IL1RAPL1: variants seen among roughly 807,000 people sequenced by gnomAD.
The protein encoded by IL1RAPL1 is interleukin-1 receptor accessory protein-like 1.
Under a neutral mutation model 48.4 loss-of-function variants are expected in IL1RAPL1, and 3 were observed. That is an observed-to-expected ratio of 0.06 (90% CI 0.03 to 0.16). IL1RAPL1 has a LOEUF of 0.16. Among genes scored for constraint, IL1RAPL1 ranks in the 10% least tolerant of loss-of-function variants. IL1RAPL1 has a pLI of 1.00. For synonymous variants in IL1RAPL1, 185 were observed against 187.7 expected, an observed-to-expected ratio of 0.99 and a Z score of 0.12; for missense variants, 349 against 530.6, an observed-to-expected ratio of 0.66 and a Z score of 3.36.
intron 3 of IL1RAPL1, among the ~76,000 whole-genome samples, chrX:29,350,217 A>G (rs1436551993): frequency 1.3e-5 from 1 of 78,695 alleles, no homozygotes; most frequent in East Asian, 4.1e-4. Flanking sequence ...ATATATATAT[A>G]TATATATGCT....
At chrX:29,443,852 T>C (rs1934579036) in intron 5 of IL1RAPL1, among the ~76,000 whole-genome samples, 1 of 111,302 alleles carries the variant, frequency 9.0e-6, no homozygotes, top group Non-Finnish European at 1.9e-5. Flanking sequence ...CTAGGCTCAT[T>C]CTTATGTTGA....
chrX:28,683,711 G>A (rs1192292204), intron 1 of IL1RAPL1, among the ~76,000 whole-genome samples: 2 of 112,398 alleles, frequency 1.8e-5, no homozygotes, highest in East Asian at 5.6e-4. Context: ...CAAGGTATTG[G>A]TAGGGTTGCA....
intron 2 of IL1RAPL1, among the ~76,000 whole-genome samples, chrX:29,278,087 T>C (rs771060060): frequency 6.4e-4 from 72 of 112,039 alleles, no homozygotes; most frequent in Non-Finnish European, 3.2e-4. Context: ...TTTATCCTTC[T>C]ATAAATATAG....
At chrX:29,541,878 C>T (rs1159314145) in intron 5 of IL1RAPL1, among the ~76,000 whole-genome samples, 1 of 110,560 alleles carries the variant, frequency 9.0e-6, no homozygotes, top group East Asian at 2.8e-4. Context: ...GAGCCTCACG[C>T]AATATACCCA....
At chrX:29,378,485 T>A (rs903409331) in intron 3 of IL1RAPL1, among the ~76,000 whole-genome samples, 5 of 112,550 alleles carry the variant, frequency 4.4e-5, no homozygotes, top group African/African-American at 1.6e-4. Flanking sequence ...TGATTCTTTC[T>A]CCTCTGGGAG....
At chrX:28,898,851 G>A in intron 2 of IL1RAPL1, among the ~76,000 whole-genome samples, 1 of 108,550 alleles carries the variant, frequency 9.2e-6, no homozygotes, top group Non-Finnish European at 1.9e-5. Flanking sequence ...GTGCAGTGTT[G>A]TGATCATGGC....
At position 28,713,422 on chromosome X, in the gene IL1RAPL1, G is replaced by A. The variant is rs955061419; in HGVS notation, c.-24-75898G>A. On this transcript the variant is annotated intron_variant, in intron 1 of 10. Transcript: ENST00000378993. The stretch of plus-strand genomic sequence containing the variant: ...AGAGATTTTACCTAATTAAGGAAAA[G>A]CATGTTGGCTTCAGAAATAATTTTT... Among the ~76,000 whole-genome samples, 4 of 111,394 alleles carry A rather than the reference G, an allele frequency of 3.6e-5. No homozygotes were observed. In the Admixed American group the frequency reaches 3.9e-4, roughly 11 times the overall value.
chrX:28,748,361 T>G (rs1936002532), intron 1 of IL1RAPL1, among the ~76,000 whole-genome samples: 1 of 111,789 alleles, frequency 8.9e-6, no homozygotes, highest in East Asian at 2.8e-4. Context: ...CTTTCTTGCA[T>G]TTGGGTTTGC....
At chrX:29,804,581 G>A (rs1930207131) in intron 6 of IL1RAPL1, among the ~76,000 whole-genome samples, 1 of 111,730 alleles carries the variant, frequency 9.0e-6, no homozygotes, top group Non-Finnish European at 1.9e-5. Context: ...TTGCTGCCCT[G>A]TAAGACATAC....
Position 29,636,864 on chromosome X carries a change from C to G in IL1RAPL1, c.704-31566C>G, listed in dbSNP as rs763416033. Among the ~76,000 whole-genome samples the G allele has an allele frequency of 2.7e-5, 3 of 110,895 alleles. No individual in the cohort carries two copies. The East Asian group carries it at 8.5e-4, about 31-fold the overall frequency. Reference sequence around the variant, plus strand: ...GACCAGCCTGGCCAACATGGAGAAACCCCGTCTCTACTAAAAATACAAAAT... The same window carrying G: ...GACCAGCCTGGCCAACATGGAGAAAGCCCGTCTCTACTAAAAATACAAAAT... On this transcript the variant is annotated intron_variant, in intron 5 of 10. Transcript: ENST00000378993.
At chrX:29,678,230 A>G (rs1926337769) in intron 6 of IL1RAPL1, among the ~76,000 whole-genome samples, 3 of 109,032 alleles carry the variant, frequency 2.8e-5, no homozygotes, top group Non-Finnish European at 5.7e-5. Flanking sequence ...CATGCCAGAT[A>G]TTTACATGAG....
chrX:29,613,739 GT>G, intron 5 of IL1RAPL1, among the ~76,000 whole-genome samples: 1 of 97,940 alleles, frequency 1.0e-5, no homozygotes, highest in African/African-American at 3.8e-5. Flanking sequence ...GTGTGTGTGT[GT>G]GTGTGTGTGT....
chrX:29,051,331 A>G (rs1204878884), intron 2 of IL1RAPL1, among the ~76,000 whole-genome samples: 2 of 112,070 alleles, frequency 1.8e-5, no homozygotes, highest in Non-Finnish European at 3.8e-5. Context: ...CTGGTTTCCA[A>G]TCCCACACAG....
intron 6 of IL1RAPL1, among the ~76,000 whole-genome samples, chrX:29,899,266 C>G (rs1409789234): frequency 9.0e-6 from 1 of 110,975 alleles, no homozygotes; most frequent in Non-Finnish European, 1.9e-5. Context: ...GTTGTCAGAG[C>G]TTCTCAAGAG....
chrX:28,717,042 CT>C (rs2146937669), intron 1 of IL1RAPL1, among the ~76,000 whole-genome samples: 1 of 112,081 alleles, frequency 8.9e-6, no homozygotes, highest in East Asian at 2.8e-4. Context: ...CACTTATACA[CT>C]GTTGATGGGA....
intron 6 of IL1RAPL1, among the ~76,000 whole-genome samples, chrX:29,762,879 G>A (rs1236746232): frequency 2.7e-5 from 3 of 110,882 alleles, no homozygotes; most frequent in Admixed American, 1.9e-4. Flanking sequence ...TTGCTCAGAA[G>A]GCTACACTGA....
At chrX:29,712,550 T>C (rs1927380585) in intron 6 of IL1RAPL1, among the ~76,000 whole-genome samples, 1 of 112,243 alleles carries the variant, frequency 8.9e-6, no homozygotes, top group South Asian at 3.6e-4. Context: ...TGAAAAATTA[T>C]ATTCTATAAA....
intron 2 of IL1RAPL1, among the ~76,000 whole-genome samples, chrX:28,850,827 C>T (rs1256779942): frequency 9.5e-6 from 1 of 105,660 alleles, no homozygotes; most frequent in Non-Finnish European, 1.9e-5. Context: ...CTTATATACC[C>T]CTATGGTTTT....
chrX:29,150,367 A>G (rs902351553), intron 2 of IL1RAPL1, among the ~76,000 whole-genome samples: 2 of 111,865 alleles, frequency 1.8e-5, no homozygotes, highest in African/African-American at 6.5e-5. Context: ...AATGATAATA[A>G]CAAAACAACA....
Sources: allele counts gnomAD v4.1 joint callset (sites outside exome capture counted in the v4.1 genomes callset), GRCh38; gene constraint gnomAD v4.1.1; transcripts MANE v1.5; gene names NCBI Gene and HGNC (gene_info 2026-07-23, HGNC 2026-07-21).